Variants in TRIP4 observed in about 807,000 individuals in gnomAD.
TRIP4 encodes the protein activating signal cointegrator 1.
Under a neutral mutation model 81.8 loss-of-function variants are expected in TRIP4, and 54 were observed. The ratio of observed to expected loss-of-function variants is 0.66; its 90% confidence interval spans 0.53 to 0.83. TRIP4 has a LOEUF of 0.83. Ranked by LOEUF, TRIP4 falls within the 40% of genes least tolerant of loss-of-function variation. The pLI is 0.00. For missense variants in TRIP4, 662 were observed against 683.6 expected, an observed-to-expected ratio of 0.97 and a Z score of 0.35; for synonymous variants, 270 against 242.8, an observed-to-expected ratio of 1.11 and a Z score of -1.04.
At chr15:64,431,847 A>ATATATATATATATATATTTTTTTTTT in intron 11 of TRIP4, among the ~76,000 whole-genome samples, 1 of 119,558 alleles carries the variant, frequency 8.4e-6, no homozygotes, top group African/African-American at 3.3e-5. Context: ...ATATATATAT[A>ATATATATATATATATATTTTTTTTTT]TTTTTTTTAT....
At chr15:64,442,311 G>A (rs771960108) in intron 11 of TRIP4, among the ~76,000 whole-genome samples, 26 of 152,160 alleles carry the variant, frequency 1.7e-4, no homozygotes, top group Non-Finnish European at 1.6e-4. Context: ...GAGACATTAT[G>A]ATGGCTTGGA....
At chr15:64,401,380 C>T (rs951597681) in intron 5 of TRIP4, among the ~76,000 whole-genome samples, 20 of 152,084 alleles carry the variant, frequency 1.3e-4, no homozygotes, top group African/African-American at 3.6e-4. Context: ...CATGATCTGC[C>T]CACCTTGGCC....
intron 4 of TRIP4, among the ~76,000 whole-genome samples, chr15:64,400,259 A>G (rs1566973135): frequency 6.6e-6 from 1 of 151,542 alleles, no homozygotes; most frequent in East Asian, 2.0e-4. Context: ...CCTGGGCAAC[A>G]TGGCAAAACC....
intron 10 of TRIP4, 95 bp downstream of exon 10, chr15:64,424,250 T>A: frequency 6.5e-7 from 1 of 1,543,642 alleles, no homozygotes; most frequent in Non-Finnish European, 8.8e-7. Context: ...GGCTTTTTCT[T>A]TGTTAAAAGA....
chr15:64,431,719 A>G (rs528405269), intron 11 of TRIP4, among the ~76,000 whole-genome samples: 55 of 151,374 alleles, frequency 3.6e-4, no homozygotes, highest in African/African-American at 1.3e-3. Flanking sequence ...TTAAAAAAAA[A>G]AACAAAACTG....
intron 11 of TRIP4, among the ~76,000 whole-genome samples, chr15:64,434,419 T>C (rs1255387400): frequency 8.7e-6 from 1 of 114,904 alleles, no homozygotes; most frequent in Admixed American, 8.7e-5. Flanking sequence ...AAAAAAAAAA[T>C]GAAAAGGTAG....
At chr15:64,397,048 A>T (rs1038091253) in intron 3 of TRIP4, among the ~76,000 whole-genome samples, 2 of 152,112 alleles carry the variant, frequency 1.3e-5, no homozygotes, top group African/African-American at 4.8e-5. Context: ...ATCTTTTGTT[A>T]TGAAGTTCTT....
intron 11 of TRIP4, among the ~76,000 whole-genome samples, chr15:64,436,874 A>G (rs1297244672): frequency 1.5e-5 from 2 of 137,480 alleles, no homozygotes; most frequent in Non-Finnish European, 3.0e-5. Flanking sequence ...ACACCCAGCT[A>G]ATTTTTGTAT....
At chr15:64,437,147 G>A (rs1026502924) in intron 11 of TRIP4, among the ~76,000 whole-genome samples, 4 of 151,926 alleles carry the variant, frequency 2.6e-5, no homozygotes, top group African/African-American at 9.7e-5. Context: ...TTGGCCGGGT[G>A]TGGTGGCTCA....
At position 64,396,109 on chromosome 15, in the gene TRIP4, G is replaced by A. The variant is rs933017666; in HGVS notation, c.405+578G>A. Among the ~76,000 whole-genome samples the A allele has an allele frequency of 7.9e-5, 12 of 151,322 alleles. No homozygotes were observed. The East Asian group carries it at 1.8e-3, about 22-fold the overall frequency. ...ATTTTAGTAGAGATGGGGTTTCACC[G>A]AGTTGCCCAAGCTGGTCTTGAGCTG... On this transcript the variant is annotated intron_variant, in intron 3 of 12. Coordinates refer to ENST00000261884, the MANE Select transcript of TRIP4 (RefSeq NM_016213.5).
In TRIP4 at chr15:64,445,033, T is replaced by A; in HGVS notation, c.1603T>A (p.Ser535Thr). The change falls in exon 12 of 13, where the codon TCT (serine) becomes ACT (threonine). Residue 535 changes from serine (S) to threonine (T), a missense_variant. Coordinates refer to ENST00000261884, the MANE Select transcript of TRIP4 (RefSeq NM_016213.5). ...QFPDISQESD[S>T]PFVFICKNPQ... ...TCCAGACATCAGTCAAGAGTCTGAT[T>A]CTCCATTTGTTTTCATCTGCAAAAA... 6.3e-7 allele frequency: 1 copy of A among 1,596,432 alleles called. No homozygotes were observed. Among genetic ancestry groups the A allele is most frequent in the Non-Finnish European group, 8.6e-7 (1 of 1,167,082 alleles).
intron 9 of TRIP4, among the ~76,000 whole-genome samples, chr15:64,420,194 T>C (rs1891980459): frequency 6.6e-6 from 1 of 151,474 alleles, no homozygotes; most frequent in African/African-American, 2.4e-5. Flanking sequence ...CGTTATCAGC[T>C]CACTGCAACC....
chr15:64,424,710 G>A (rs2140300943), intron 10 of TRIP4, among the ~76,000 whole-genome samples: 1 of 152,268 alleles, frequency 6.6e-6, no homozygotes, highest in East Asian at 1.9e-4. Context: ...ATCTTTAAAG[G>A]TTTTTAAGAA....
chr15:64,452,844 T>C (rs1892801255), intron 12 of TRIP4, among the ~76,000 whole-genome samples: 1 of 152,062 alleles, frequency 6.6e-6, no homozygotes, highest in Non-Finnish European at 1.5e-5. Flanking sequence ...AGTGACTAGG[T>C]AACATACTCA....
chr15:64,388,366 G>A (rs1382937883), intron 1 of TRIP4, among the ~76,000 whole-genome samples: 1 of 152,166 alleles, frequency 6.6e-6, no homozygotes, highest in African/African-American at 2.4e-5. Flanking sequence ...GCGTGCGGTG[G>A]CGCGATCTTG....
chr15:64,435,176 T>G (rs1892362160), intron 11 of TRIP4, among the ~76,000 whole-genome samples: 1 of 123,146 alleles, frequency 8.1e-6, no homozygotes, highest in Non-Finnish European at 1.6e-5. Context: ...ATTGCATCAG[T>G]GCACTCCAGC....
rs1042997712 is a variant in TRIP4 at position 64,428,804 on chromosome 15, G to T, written c.1575+3173G>T. Among the ~76,000 whole-genome samples the T allele has an allele frequency of 2.6e-5, 4 of 151,614 alleles. No individual in the cohort carries two copies. In the East Asian group the frequency reaches 5.9e-4, roughly 22 times the overall value. ...TTTTTGTATTTTTAGTAGAAGCAGGGTTTCACCATGTTGGTCAGGCTGGTC... is the reference window on the plus strand; with the variant it reads ...TTTTTGTATTTTTAGTAGAAGCAGGTTTTCACCATGTTGGTCAGGCTGGTC... On this transcript the variant is annotated intron_variant, in intron 11 of 12. Transcript: ENST00000261884.
At chr15:64,406,282 A>G (rs369244526) in intron 5 of TRIP4, 48 bp from the exon 6 acceptor site, 94 of 1,603,720 alleles carry the variant, frequency 5.9e-5, no homozygotes, top group Middle Eastern at 1.7e-4. Context: ...GGTACAACTA[A>G]TTTGTATTTA....
chr15:64,450,742 C>T (rs746049028), intron 12 of TRIP4: 12 of 455,832 alleles, frequency 2.6e-5, no homozygotes, highest in Middle Eastern at 3.2e-4. Context: ...TCTTGTTTCT[C>T]CTATTAGCTT....
Sources: allele counts gnomAD v4.1 joint callset (sites outside exome capture counted in the v4.1 genomes callset), GRCh38; gene constraint gnomAD v4.1.1; transcripts MANE v1.5; gene names NCBI Gene and HGNC (gene_info 2026-07-23, HGNC 2026-07-21).